The following NEK10 variants were observed in gnomAD, a reference collection of about 807,000 sequenced individuals.
NEK10 encodes the protein serine/threonine-protein kinase Nek10.
In NEK10, 122 loss-of-function variants were observed where a neutral mutation model predicts 159.8. That is an observed-to-expected ratio of 0.76 (90% CI 0.66 to 0.89). The LOEUF is 0.89. NEK10 is among the 40% of genes least tolerant of loss of function. NEK10 has a pLI of 0.00. For synonymous variants in NEK10, 466 were observed against 457.1 expected (o/e 1.02, Z -0.25); for missense variants, 1,342 against 1,323.1 (o/e 1.01, Z -0.22).
intron 23 of NEK10, among the ~76,000 whole-genome samples, chr3:27,218,252 C>T (rs1406171382): frequency 6.6e-6 from 1 of 152,150 alleles, no homozygotes; most frequent in African/African-American, 2.4e-5. Context: ...TGAAATCTTC[C>T]ATTTACTATT....
intron 32 of NEK10, among the ~76,000 whole-genome samples, chr3:27,127,852 C>T (rs764426059): frequency 3.9e-5 from 6 of 152,086 alleles, no homozygotes; most frequent in Non-Finnish European, 7.4e-5. Context: ...AATCCCTCTC[C>T]GCTTCTCCAC....
At chr3:27,145,993 A>G (rs1408298671) in intron 30 of NEK10, among the ~76,000 whole-genome samples, 1 of 152,142 alleles carries the variant, frequency 6.6e-6, no homozygotes, top group African/African-American at 2.4e-5. Flanking sequence ...CAAATACAAA[A>G]CAATATCTCC....
chr3:27,204,301 G>GTTTTTTTTTTT (rs567092116), intron 23 of NEK10, among the ~76,000 whole-genome samples: 89 of 66,220 alleles, frequency 1.3e-3, no homozygotes, highest in Non-Finnish European at 1.8e-3. Flanking sequence ...TTTTGTTGTT[G>GTTTTTTTTTTT]TTTTTTTTTT....
chr3:27,316,475 T>G (rs540652774), intron 6 of NEK10, among the ~76,000 whole-genome samples: 1 of 151,968 alleles, frequency 6.6e-6, no homozygotes, highest in South Asian at 2.1e-4. Context: ...TTGGACATAC[T>G]GCAGTGCCGC....
chr3:27,256,128 A>T (rs12488147), intron 23 of NEK10, among the ~76,000 whole-genome samples, 168 bp downstream of exon 23: 39,059 of 152,108 alleles, frequency 0.26, 5,180 homozygotes, highest in Middle Eastern at 0.38. Context: ...TTTTAAGCAT[A>T]CATAATGATC....
chr3:27,129,406 C>T (rs541267207), intron 32 of NEK10, among the ~76,000 whole-genome samples: 1 of 152,106 alleles, frequency 6.6e-6, no homozygotes, highest in African/African-American at 2.4e-5. Flanking sequence ...CTCCTATGGC[C>T]CTGGTATGGG....
At chr3:27,345,991 G>T in intron 4 of NEK10, 95 bp downstream of exon 4, 2 of 1,167,260 alleles carry the variant, frequency 1.7e-6, no homozygotes, top group Non-Finnish European at 2.5e-6. Flanking sequence ...ATTTTGAAGC[G>T]GGTTTTAAAT....
At chr3:27,141,432 A>C in intron 31 of NEK10, 50 bp downstream of exon 31, 1 of 1,386,508 alleles carries the variant, frequency 7.2e-7, no homozygotes, top group Non-Finnish European at 1.0e-6. Context: ...CAATATTAGC[A>C]CCAAACTTGC....
At chr3:27,356,242 G>A (rs765867406) in intron 1 of NEK10, among the ~76,000 whole-genome samples, 1 of 152,144 alleles carries the variant, frequency 6.6e-6, no homozygotes, top group Non-Finnish European at 1.5e-5. Flanking sequence ...CAGGCATGAA[G>A]GCTCATACCT....
intron 10 of NEK10, among the ~76,000 whole-genome samples, chr3:27,308,649 T>C (rs529719359): frequency 3.0e-4 from 46 of 152,284 alleles, no homozygotes; most frequent in African/African-American, 1.1e-3. Flanking sequence ...AGAAATATTA[T>C]GGTAATTTTG....
intron 33 of NEK10, among the ~76,000 whole-genome samples, chr3:27,118,376 G>A (rs1047487116): frequency 1.1e-4 from 16 of 152,228 alleles, no homozygotes; most frequent in African/African-American, 3.9e-4. Context: ...GTGTTGACCA[G>A]CTTTCACTCA....
intron 22 of NEK10, among the ~76,000 whole-genome samples, chr3:27,260,537 T>C (rs1276595673): frequency 6.6e-6 from 1 of 152,232 alleles, no homozygotes; most frequent in Non-Finnish European, 1.5e-5. Flanking sequence ...GATTTGCGTA[T>C]GTTGAACCAG....
chr3:27,310,723 A>G, intron 9 of NEK10: 1 of 344,086 alleles, frequency 2.9e-6, no homozygotes. Flanking sequence ...ATGGCATAGG[A>G]AAAAAAAGAA....
chr3:27,192,007 C>A lies in NEK10; in HGVS notation c.2505+22G>T, dbSNP rs11926556. 397,066 of 1,605,652 alleles carry A rather than the reference C, an allele frequency of 0.25. 51,550 individuals carry two copies. The highest frequency in any genetic ancestry group is 0.39 in the Middle Eastern group (2,359 of 6,042). ...CAGCCCATTAGAGTGCATCATGAACCGATTGAAATATTTGCACTTACGTGA... is the reference window on the plus strand; with the variant it reads ...CAGCCCATTAGAGTGCATCATGAACAGATTGAAATATTTGCACTTACGTGA... On this transcript the variant is annotated intron_variant, in intron 26 of 35. Coordinates refer to ENST00000691995, the MANE Select transcript of NEK10 (RefSeq NM_001394966.1).
rs1007869797 is a variant in NEK10 at position 27,107,958 on chromosome 3, T to C, written c.*3314A>G. Among the ~76,000 whole-genome samples, 1 of 152,128 alleles carries C rather than the reference T, an allele frequency of 6.6e-6. No individual in the cohort carries two copies. The highest frequency in any genetic ancestry group is 1.5e-5 in the Non-Finnish European group (1 of 68,018). On this transcript the variant is annotated 3_prime_UTR_variant, in exon 36 of 36. Coordinates refer to ENST00000691995, the MANE Select transcript of NEK10 (RefSeq NM_001394966.1). ...ATACATCAAATCAAAAAGAGGAATG[T>C]GGGTTCTATGCATATTAATACTGAT...
chr3:27,265,345 T>C (rs1029255934), intron 22 of NEK10, among the ~76,000 whole-genome samples: 1 of 152,104 alleles, frequency 6.6e-6, no homozygotes, highest in African/African-American at 2.4e-5. Context: ...TTTAATTTGA[T>C]TTTATAAAAA....
At chr3:27,317,428 T>C (rs1296801855) in intron 6 of NEK10, among the ~76,000 whole-genome samples, 1 of 152,234 alleles carries the variant, frequency 6.6e-6, no homozygotes, top group Non-Finnish European at 1.5e-5. Flanking sequence ...AACTGGTTTC[T>C]ATATTTCTGA....
chr3:27,313,168 G>A (rs2044847990), intron 7 of NEK10, among the ~76,000 whole-genome samples: 1 of 151,022 alleles, frequency 6.6e-6, no homozygotes. Flanking sequence ...GGGAGACTGA[G>A]GCACAAGAAT....
intron 26 of NEK10, among the ~76,000 whole-genome samples, chr3:27,179,017 C>T (rs1947800141): frequency 6.6e-6 from 1 of 152,150 alleles, no homozygotes; most frequent in Non-Finnish European, 1.5e-5. Flanking sequence ...ATCATCCTGC[C>T]TCGGTCTTCT....
Sources: gnomAD v4.1 joint callset for allele counts (sites outside exome capture counted in the v4.1 genomes callset) on GRCh38, gnomAD v4.1.1 for gene constraint, MANE v1.5 for transcripts, NCBI Gene and HGNC (gene_info 2026-07-23, HGNC 2026-07-21) for gene names.